Variants in SIRT2 observed in about 807,000 individuals in gnomAD.
The protein encoded by SIRT2 is sirtuin 2.
In SIRT2, 40 loss-of-function variants were observed where a neutral mutation model predicts 57.4. That is an observed-to-expected ratio of 0.70 (90% confidence interval 0.54 to 0.91). The LOEUF (loss-of-function observed/expected upper bound fraction) is 0.91, where lower values mean the gene tolerates loss of function less well. Ranked by LOEUF, SIRT2 falls within the 40% of genes least tolerant of loss-of-function variation. The pLI, the probability that SIRT2 is intolerant of heterozygous loss-of-function variation, is 0.00. For synonymous variants in SIRT2, 161 were observed against 195.7 expected (o/e 0.82, Z 1.48); for missense variants, 439 against 510.4 (o/e 0.86, Z 1.35).
At chr19:38,895,854 C>T (rs879490021) in intron 2 of SIRT2, among the ~76,000 whole-genome samples, 20 of 152,184 alleles carry the variant, frequency 1.3e-4, no homozygotes, top group Admixed American at 3.9e-4. Flanking sequence ...GGGTGGATCA[C>T]GAGGTCAGGA....
In SIRT2 at chr19:38,880,013, C is replaced by T. The variant is rs564729647; in HGVS notation, c.877-311G>A. On this transcript the variant is annotated intron_variant, in intron 13 of 15. Transcript: ENST00000249396. This position sits in a 1 kb window ranked among gnomAD's most constrained non-coding sequence, Gnocchi z 4.1. ...GCTAATTTTGTATTATTAGTAGAGA[C>T]GGGGTTTCACCATGTTGGTCAGGCT... 1.4e-4 allele frequency: 41 copies of T among 301,502 alleles called. No homozygotes were observed. The highest frequency in any genetic ancestry group is 4.5e-4 in the African/African-American group (21 of 46,582). 18.7% of individuals were successfully genotyped at this position (301,502 alleles called of 1,614,324 possible).
chr19:38,899,588 C>CGTCACCGACTGCTCTGTCCT lies in SIRT2; in HGVS notation c.-87_-68dup. On this transcript the variant is annotated 5_prime_UTR_variant, in exon 1 of 16. Transcript: ENST00000249396. ...TGTCCCGTCACCAACCACTGTGTCC[C>CGTCACCGACTGCTCTGTCCT]GTCACCGACTGCTCTGTCCTGTCAC... 3.7e-6 allele frequency: 6 copies of CGTCACCGACTGCTCTGTCCT among 1,603,888 alleles called. No individual in the cohort carries two copies. Among genetic ancestry groups the CGTCACCGACTGCTCTGTCCT allele is most frequent in the Non-Finnish European group, 4.3e-6 (5 of 1,171,170 alleles).
chr19:38,896,795 T>A (rs919337537), intron 2 of SIRT2, among the ~76,000 whole-genome samples: 1 of 152,206 alleles, frequency 6.6e-6, no homozygotes, highest in African/African-American at 2.4e-5. Context: ...TGTGCATTTG[T>A]GAGGTATTCT....
Position 38,899,589 on chromosome 19 carries a change from G to C in SIRT2, c.-68C>G. ...GTCCCGTCACCAACCACTGTGTCCC[G>C]TCACCGACTGCTCTGTCCTGTCACC... On this transcript the variant is annotated 5_prime_UTR_variant, in exon 1 of 16. Transcript: ENST00000249396. The C allele has an allele frequency of 1.2e-6, 2 of 1,601,214 alleles. No homozygotes were observed. The highest frequency in any genetic ancestry group is 8.6e-7 in the Non-Finnish European group (1 of 1,168,830).
intron 9 of SIRT2, among the ~76,000 whole-genome samples, chr19:38,882,062 G>A (rs1973171506): frequency 1.3e-5 from 2 of 151,796 alleles, no homozygotes; most frequent in African/African-American, 4.8e-5. Context: ...GTGCAATCAT[G>A]GTTGAGTGCA....
chr19:38,892,964 A>G (rs913673660), intron 4 of SIRT2, among the ~76,000 whole-genome samples: 13 of 152,240 alleles, frequency 8.5e-5, no homozygotes, highest in Non-Finnish European at 1.9e-4. Context: ...GGCCTGGTCA[A>G]TCAGAGTGCA....
intron 3 of SIRT2, 33 bp from the exon 4 acceptor site, chr19:38,893,560 G>A (rs1020591145): frequency 6.7e-6 from 10 of 1,490,050 alleles, no homozygotes; most frequent in East Asian, 2.3e-5. Context: ...GCGGCAGGAC[G>A]GGCATTCAGC....
At chr19:38,895,436 C>T (rs1973686118) in intron 2 of SIRT2, among the ~76,000 whole-genome samples, 1 of 152,258 alleles carries the variant, frequency 6.6e-6, no homozygotes, top group Admixed American at 6.5e-5. Context: ...GCAGGAGCTC[C>T]AGGAGCTCCT....
chr19:38,880,983 C>A lies in SIRT2; in HGVS notation c.748-86G>T, dbSNP rs550989255. Reference sequence around the variant, plus strand: ...CGCCCCCAGCAGCAAACCTCCCTGCCGCCCCCCATAGCTGGGGAGGTGACC... The same window carrying A: ...CGCCCCCAGCAGCAAACCTCCCTGCAGCCCCCCATAGCTGGGGAGGTGACC... On this transcript the variant is annotated intron_variant, in intron 11 of 15. Coordinates refer to ENST00000249396, the MANE Select transcript of SIRT2 (RefSeq NM_012237.4). This position sits in a 1 kb window ranked among gnomAD's most constrained non-coding sequence, Gnocchi z 4.1. The A allele has an allele frequency of 3.7e-5, 57 of 1,544,834 alleles. No individual in the cohort carries two copies. In the African/African-American group the frequency reaches 7.3e-4, roughly 20 times the overall value.
rs752482753 is a variant in SIRT2, at chr19:38,893,533, C to T, written c.113-6G>A. The T allele has an allele frequency of 1.6e-5, 26 of 1,597,360 alleles. No individual in the cohort carries two copies. Among genetic ancestry groups the T allele is most frequent in the African/African-American group, 2.7e-5 (2 of 74,566 alleles). ...TAAGTTCCGCAGGAAGTCCACTGAC[C>T]GGAAAGAAGAGAGACAGCGGCAGGA... On this transcript the variant is annotated splice_region_variant and splice_polypyrimidine_tract_variant and intron_variant, in intron 3 of 15. Coordinates refer to ENST00000249396, the MANE Select transcript of SIRT2 (RefSeq NM_012237.4).
Position 38,880,853 on chromosome 19 carries a change from C to G in SIRT2, c.792G>C (p.Leu264Phe). Residue 264 changes from leucine (L) to phenylalanine (F), a missense_variant, in exon 12 of 16, where the codon TTG becomes TTC. By Grantham distance (22) the Leu-to-Phe change is conservative. Coordinates refer to ENST00000249396, the MANE Select transcript of SIRT2 (RefSeq NM_012237.4). This position sits in a 1 kb window ranked among gnomAD's most constrained non-coding sequence, Gnocchi z 4.1. Reference protein sequence around the residue: ...VDLLLVMGTSLQVQPFASLIS... With the variant: ...VDLLLVMGTSFQVQPFASLIS... ...TGAGGGAGGCAAAGGGCTGCACCTG[C>G]AAGGAGGTACCCATGACCAGGAGGA... The G allele has an allele frequency of 6.2e-7, 1 of 1,613,864 alleles. No homozygotes were observed. Among genetic ancestry groups the G allele is most frequent in the Admixed American group, 1.7e-5 (1 of 60,014 alleles).
intron 1 of SIRT2, 135 bp downstream of exon 1, chr19:38,899,371 A>G: frequency 2.1e-6 from 2 of 973,382 alleles, no homozygotes; most frequent in South Asian, 2.9e-5. Context: ...TCGCTAAGCA[A>G]CAGCCCTCAG....
chr19:38,898,819 A>G (rs1425981348), intron 1 of SIRT2: 1 of 170,862 alleles, frequency 5.9e-6, no homozygotes, highest in East Asian at 1.6e-4. Flanking sequence ...CTTTTTAGAG[A>G]AAGGGTCTCG....
intron 13 of SIRT2, 33 bp from the exon 14 acceptor site, chr19:38,879,735 C>G: frequency 6.6e-7 from 1 of 1,522,476 alleles, no homozygotes; most frequent in Non-Finnish European, 8.9e-7. Context: ...GGGGCAGGAG[C>G]AGGGAAGGGA....
chr19:38,879,546 G>A (rs1436685031), intron 14 of SIRT2, 46 bp from the exon 15 acceptor site: 2 of 1,566,992 alleles, frequency 1.3e-6, no homozygotes, highest in South Asian at 2.3e-5. Context: ...GCTCGCCCCT[G>A]CCTGCTCCTC....
chr19:38,879,231 G>A lies in SIRT2; in HGVS notation c.1094C>T (p.Thr365Ile), dbSNP rs1429820547. The A allele has an allele frequency of 2.5e-6, 4 of 1,601,020 alleles. No individual in the cohort carries two copies. Among genetic ancestry groups the A allele is most frequent in the Non-Finnish European group, 3.4e-6 (4 of 1,176,450 alleles). Reference sequence around the variant, plus strand: ...CGGGGACTTCTTGGGGGAAGCTGAAGTGCTGGGGTTGGGGACCCCCGCCCC... The same window carrying A: ...CGGGGACTTCTTGGGGGAAGCTGAAATGCTGGGGTTGGGGACCCCCGCCCC... The part of the protein sequence containing the change: ...QSGAGVPNPS[T>I]SASPKKSPPP... Residue 365 changes from threonine (T) to isoleucine (I), a missense_variant, in exon 16 of 16, where the codon ACT becomes ATT. Physicochemically the swap from Thr to Ile is moderately conservative, Grantham distance 89. Transcript: ENST00000249396.
rs1973117769 is a variant in SIRT2, at chr19:38,880,658, G to T, written c.876+27C>A. On this transcript the variant is annotated intron_variant, in intron 13 of 15. Transcript: ENST00000249396. The surrounding 1 kb of genome is among the most constrained non-coding windows in gnomAD (Gnocchi z 4.1). ...TGAGAGGGAAGGGGGAGCCTGTGAC[G>T]ACGGGGGCTTGAAGAAGGGCTCTTA... The T allele has an allele frequency of 6.6e-7, 1 of 1,524,120 alleles. No homozygotes were observed. The highest frequency in any genetic ancestry group is 1.4e-5 in the African/African-American group (1 of 72,302). 94.4% of individuals were successfully genotyped at this position (1,524,120 alleles called of 1,614,324 possible).
chr19:38,889,727 A>G lies in SIRT2; in HGVS notation c.394T>C (p.Phe132Leu). 1 of 1,614,126 alleles carries G rather than the reference A, an allele frequency of 6.2e-7. No homozygotes were observed. The highest frequency in any genetic ancestry group is 8.5e-7 in the Non-Finnish European group (1 of 1,180,010). The change falls in exon 7 of 16, where the codon TTC (phenylalanine) becomes CTC (leucine). Residue 132 changes from phenylalanine to leucine, a missense_variant. Physicochemically the swap from Phe to Leu is conservative, Grantham distance 22. Coordinates refer to ENST00000249396, the MANE Select transcript of SIRT2 (RefSeq NM_012237.4). ...GGATAGAGTTCCTTGGCGAGGGCGAAGAAGGGTTCCGGATGTTTCTGTAGG... is the reference window on the plus strand; with the variant it reads ...GGATAGAGTTCCTTGGCGAGGGCGAGGAAGGGTTCCGGATGTTTCTGTAGG... ...SYFKKHPEPF[F>L]ALAKELYPGQ...
At chr19:38,883,779 G>A in intron 8 of SIRT2, 23 bp from the exon 9 acceptor site, 1 of 1,612,612 alleles carries the variant, frequency 6.2e-7, no homozygotes, top group Non-Finnish European at 8.5e-7. Flanking sequence ...ATGGAGGGAA[G>A]AGGGGTGAGG....
Sources: gnomAD v4.1 joint callset for allele counts (sites outside exome capture counted in the v4.1 genomes callset) on GRCh38, gnomAD v4.1.1 for gene constraint, Gnocchi (gnomAD v3.1) non-coding constraint, MANE v1.5 for transcripts, NCBI Gene and HGNC (gene_info 2026-07-23, HGNC 2026-07-21) for gene names.